MYO18A: variants seen among roughly 807,000 people sequenced by gnomAD.
MYO18A encodes the protein unconventional myosin-XVIIIa.
Under a neutral mutation model 235.8 loss-of-function variants are expected in MYO18A, and 78 were observed. The observed-to-expected ratio is 0.33, with a 90% CI of 0.28 to 0.40. The LOEUF (loss-of-function observed/expected upper bound fraction) is 0.40. MYO18A is among the 10% of genes least tolerant of loss of function. MYO18A has a pLI of 1.00. For synonymous variants in MYO18A, 977 were observed against 1,077.8 expected (o/e 0.91, Z 1.83); for missense variants, 2,215 against 2,699.3 (o/e 0.82, Z 3.98).
chr17:29,095,114 C>A (rs372419160), intron 28 of MYO18A, 55 bp from the exon 29 acceptor site: 11 of 1,479,932 alleles, frequency 7.4e-6, no homozygotes, highest in Middle Eastern at 1.8e-4. Flanking sequence ...GTCCCCCACA[C>A]AGACACTGTC....
chr17:29,074,031 A>G lies in MYO18A; in HGVS notation c.*739T>C, dbSNP rs371690725. The G allele has an allele frequency of 1.9e-6, 3 of 1,613,842 alleles. No individual in the cohort carries two copies. The highest frequency in any genetic ancestry group is 2.7e-5 in the African/African-American group (2 of 74,846). ...GGTGGGGTGGGGGCTGGAGGTGCGG[A>G]TGGTCCACACACACACTTGTCTGCG... On this transcript the variant is annotated 3_prime_UTR_variant, in exon 42 of 42. Transcript: ENST00000527372. This position sits in a 1 kb window ranked among gnomAD's most constrained non-coding sequence, Gnocchi z 4.4.
chr17:29,176,318 A>G (rs994923830), intron 1 of MYO18A, among the ~76,000 whole-genome samples: 4 of 152,122 alleles, frequency 2.6e-5, no homozygotes, highest in Non-Finnish European at 4.4e-5. Flanking sequence ...TGGTTAAAAT[A>G]GAGTTCACTG....
intron 31 of MYO18A, 102 bp downstream of exon 31, chr17:29,093,878 G>C (rs1286701152): frequency 1.2e-6 from 1 of 803,712 alleles, no homozygotes; most frequent in East Asian, 2.7e-5. Context: ...AATGACAATG[G>C]AAGACGATGT....
rs575228373 is a variant in MYO18A at position 29,079,713 on chromosome 17, C to T, written c.6020+2603G>A. On this transcript the variant is annotated intron_variant, in intron 41 of 41. Coordinates refer to ENST00000527372, the MANE Select transcript of MYO18A (RefSeq NM_078471.4). ...GGGACACACCATGCTGAACCCAGGC[C>T]AGGTGCCACCTACTGCACTAGTCGC... 6 of 986,014 alleles carry T rather than the reference C, an allele frequency of 6.1e-6. No homozygotes were observed. The African/African-American group carries it at 8.7e-5, about 14-fold the overall frequency. The allele number at this position is 986,014 out of a possible 1,614,324, so 61.1% of individuals were successfully genotyped here.
intron 28 of MYO18A, among the ~76,000 whole-genome samples, chr17:29,096,141 C>T (rs1421346769): frequency 1.3e-5 from 2 of 152,178 alleles, no homozygotes; most frequent in East Asian, 3.9e-4. Context: ...ACAAAGGCAA[C>T]CAGTGCCTCT....
In MYO18A at chr17:29,121,913, C is replaced by A; in HGVS notation, c.1132G>T (p.Val378Leu). The A allele has an allele frequency of 1.2e-6, 2 of 1,613,958 alleles. No individual in the cohort carries two copies. The highest frequency in any genetic ancestry group is 2.2e-5 in the East Asian group (1 of 44,878). Residue 378 changes from valine (V) to leucine (L), a missense_variant, in exon 4 of 42, where the codon GTG becomes TTG. Physicochemically the swap from Val to Leu is conservative, Grantham distance 32 (BLOSUM62 1). Transcript: ENST00000527372. The surrounding 1 kb of genome is among the most constrained non-coding windows in gnomAD (Gnocchi z 4.2). Reference sequence around the variant, plus strand: ...CCATCGTGGTCCAGCTTCACACGCACCTTCCCCTCAGGCAAGTTGAGCTCC... The same window carrying A: ...CCATCGTGGTCCAGCTTCACACGCAACTTCCCCTCAGGCAAGTTGAGCTCC... ...SEELNLPEGKVRVKLDHDGAI... is the reference protein window; with the variant it reads ...SEELNLPEGKLRVKLDHDGAI...
chr17:29,083,303 G>A (rs2066163794), intron 40 of MYO18A, among the ~76,000 whole-genome samples: 1 of 152,138 alleles, frequency 6.6e-6, no homozygotes, highest in African/African-American at 2.4e-5. Flanking sequence ...CCAATTCTGA[G>A]GCTGGAGTCA....
At chr17:29,152,601 G>A (rs186758224) in intron 2 of MYO18A, among the ~76,000 whole-genome samples, 106 of 152,296 alleles carry the variant, frequency 7.0e-4, no homozygotes, top group Non-Finnish European at 1.2e-3. Context: ...AACACTCCCC[G>A]TGAGCAGAGC....
rs200336680 is a variant in MYO18A, at chr17:29,089,980, G to A, written c.5507C>T (p.Thr1836Met). 5.6e-5 allele frequency: 91 copies of A among 1,613,950 alleles called. No individual in the cohort carries two copies. Among genetic ancestry groups the A allele is most frequent in the African/African-American group, 1.2e-4 (9 of 74,956 alleles). ...ELETRLEFER[T>M]QVKRLESLAS... ...ACCCACCTCCAGCCGTTTCACTTGC[G>A]TCCTTTCAAACTCCAGGCGTGTCTC... Residue 1836 changes from threonine to methionine, a missense_variant, in exon 37 of 42, where the codon ACG becomes ATG. Thr to Met is a moderately conservative substitution (Grantham distance 81). Coordinates refer to ENST00000527372, the MANE Select transcript of MYO18A (RefSeq NM_078471.4).
At chr17:29,094,542 A>G in intron 30 of MYO18A, 108 bp downstream of exon 30, 1 of 1,107,060 alleles carries the variant, frequency 9.0e-7, no homozygotes, top group Non-Finnish European at 1.3e-6. Flanking sequence ...GTGAGTGAAT[A>G]CGCGAATGAA....
At chr17:29,174,916 T>TATATA (rs1160105898) in intron 1 of MYO18A, among the ~76,000 whole-genome samples, 1 of 152,218 alleles carries the variant, frequency 6.6e-6, no homozygotes, top group Non-Finnish European at 1.5e-5. Flanking sequence ...CTATACTATA[T>TATATA]TGTTAAGTGA....
intron 37 of MYO18A, 112 bp from the exon 38 acceptor site, chr17:29,087,233 C>T (rs2066278676): frequency 1.8e-6 from 2 of 1,139,926 alleles, no homozygotes; most frequent in Admixed American, 4.7e-5. Context: ...TCTGGCTCCA[C>T]CGTTCATTGG....
At chr17:29,130,035 G>A (rs1425610541) in intron 2 of MYO18A, among the ~76,000 whole-genome samples, 1 of 152,240 alleles carries the variant, frequency 6.6e-6, no homozygotes, top group South Asian at 2.1e-4. Flanking sequence ...GGTGGCTCAC[G>A]CCTGTAATCC....
At chr17:29,080,682 G>A (rs1598265107) in intron 41 of MYO18A, 3 of 985,426 alleles carry the variant, frequency 3.0e-6, no homozygotes, top group Non-Finnish European at 3.6e-6. Context: ...GTGCAGAGAC[G>A]GTGGAGGCCG....
chr17:29,073,749 G>C lies in MYO18A; in HGVS notation c.*1021C>G. The C allele has an allele frequency of 1.7e-6, 2 of 1,172,560 alleles. No homozygotes were observed. The highest frequency in any genetic ancestry group is 1.2e-6 in the Non-Finnish European group (1 of 820,140). 72.6% of individuals were successfully genotyped at this position (1,172,560 alleles called of 1,614,324 possible). A position where few individuals can be genotyped will look rare whatever the true frequency, so the allele number is the denominator to read the frequency against. Reference sequence around the variant, plus strand: ...TGTCTGGGATAAGTGTGTGGGGGCAGGGAGGTTGGAAGAATGACACGGGCT... The same window carrying C: ...TGTCTGGGATAAGTGTGTGGGGGCACGGAGGTTGGAAGAATGACACGGGCT... On this transcript the variant is annotated 3_prime_UTR_variant, in exon 42 of 42. Coordinates refer to ENST00000527372, the MANE Select transcript of MYO18A (RefSeq NM_078471.4).
intron 39 of MYO18A, among the ~76,000 whole-genome samples, chr17:29,085,983 C>G (rs2066243970): frequency 6.6e-6 from 1 of 152,234 alleles, no homozygotes; most frequent in Non-Finnish European, 1.5e-5. Context: ...TGGTGCTACC[C>G]CGCACTGCTG....
intron 12 of MYO18A, 51 bp from the exon 13 acceptor site, chr17:29,115,492 C>T: frequency 6.3e-7 from 1 of 1,583,446 alleles, no homozygotes. Context: ...GGCTCCCCAT[C>T]TGGGTAAGCC....
At chr17:29,124,403 G>A (rs1162913388) in intron 2 of MYO18A, among the ~76,000 whole-genome samples, 4 of 152,220 alleles carry the variant, frequency 2.6e-5, no homozygotes, top group Non-Finnish European at 5.9e-5. Context: ...TGCCACATGG[G>A]CCCAACTTGA....
In MYO18A at chr17:29,173,932, T is replaced by C. The variant is rs972002496; in HGVS notation, c.-82+6381A>G. Among the ~76,000 whole-genome samples the C allele has an allele frequency of 3.9e-5, 6 of 152,114 alleles. No individual in the cohort carries two copies. In the East Asian group the frequency reaches 9.7e-4, roughly 25 times the overall value. On this transcript the variant is annotated intron_variant, in intron 1 of 41. Coordinates refer to ENST00000527372, the MANE Select transcript of MYO18A (RefSeq NM_078471.4). ...GACTACAGGTGTGCGCCACCATTACTGGCTAACTTTTTAAAAATTGTTTTA... is the reference window on the plus strand; with the variant it reads ...GACTACAGGTGTGCGCCACCATTACCGGCTAACTTTTTAAAAATTGTTTTA...
Sources: gnomAD v4.1 joint callset for allele counts (sites outside exome capture counted in the v4.1 genomes callset) on GRCh38, gnomAD v4.1.1 for gene constraint, Gnocchi (gnomAD v3.1) non-coding constraint, MANE v1.5 for transcripts, NCBI Gene and HGNC (gene_info 2026-07-23, HGNC 2026-07-21) for gene names.